Variants in MYLK observed in about 807,000 individuals in gnomAD.
MYLK encodes myosin light chain kinase, smooth muscle.
A neutral mutation model predicts 203.4 loss-of-function variants in MYLK; 106 were observed. The observed-to-expected ratio is 0.52, with a 90% CI of 0.45 to 0.61. The LOEUF (loss-of-function observed/expected upper bound fraction) is 0.61, where lower values mean the gene tolerates loss of function less well. Among genes scored for constraint, MYLK ranks in the 20% least tolerant of loss-of-function variants. The pLI is 0.00. For synonymous variants in MYLK, 867 were observed against 959.5 expected (o/e 0.90, Z 1.78); for missense variants, 2,072 against 2,442.3 (o/e 0.85, Z 3.20).
chr3:123,770,255 C>A (rs1432143618), intron 4 of MYLK, among the ~76,000 whole-genome samples: 1 of 151,974 alleles, frequency 6.6e-6, no homozygotes, highest in Non-Finnish European at 1.5e-5. Context: ...ACCTCAGAGG[C>A]AGAGGTTGCA....
chr3:123,719,124 AT>A (rs2062004437), intron 13 of MYLK, among the ~76,000 whole-genome samples: 1 of 152,226 alleles, frequency 6.6e-6, no homozygotes, highest in Non-Finnish European at 1.5e-5. Context: ...TGCACCAGCA[AT>A]CTCGATGATT....
chr3:123,714,941 T>C (rs2061840846), intron 13 of MYLK, among the ~76,000 whole-genome samples: 1 of 151,712 alleles, frequency 6.6e-6, no homozygotes, highest in Admixed American at 6.6e-5. Flanking sequence ...TAGACGAAGC[T>C]GTTAATAGGA....
At position 123,610,932 on chromosome 3, in the gene MYLK, T is replaced by G. The variant is rs2057233790; in HGVS notation, c.*3173A>C. On this transcript the variant is annotated 3_prime_UTR_variant, in exon 34 of 34. Coordinates refer to ENST00000360304, the MANE Select transcript of MYLK (RefSeq NM_053025.4). ...AAATATCTTTTAATAAGATATGCAA[T>G]GCAAGGAACAATCAATGGATTATTT... is the stretch of plus-strand genomic sequence containing the variant. The G allele has an allele frequency of 6.6e-6, 1 of 152,192 alleles. No homozygotes were observed. The highest frequency in any genetic ancestry group is 1.5e-5 in the Non-Finnish European group (1 of 68,038). The allele number at this position is 152,192 out of a possible 1,614,324, so 9.4% of individuals were successfully genotyped here. A position where few individuals can be genotyped will look rare whatever the true frequency, so the allele number is the denominator to read the frequency against.
intron 4 of MYLK, among the ~76,000 whole-genome samples, chr3:123,791,265 C>T (rs1324688032): frequency 6.6e-6 from 1 of 152,198 alleles, no homozygotes; most frequent in Non-Finnish European, 1.5e-5. Context: ...CTTATTATAA[C>T]CAGCAACTCC....
At chr3:123,661,104 C>T (rs147067399) in intron 23 of MYLK, among the ~76,000 whole-genome samples, 394 of 152,298 alleles carry the variant, frequency 2.6e-3, no homozygotes, top group Non-Finnish European at 3.5e-3. Context: ...GACAGCCACG[C>T]CAATGGCCCT....
chr3:123,694,085 A>T (rs917774817), intron 18 of MYLK, among the ~76,000 whole-genome samples: 4 of 152,234 alleles, frequency 2.6e-5, no homozygotes, highest in African/African-American at 9.6e-5. Flanking sequence ...AAGAGTAAGG[A>T]TATCAGTTCT....
At chr3:123,747,198 C>T (rs754405023) in intron 5 of MYLK, among the ~76,000 whole-genome samples, 10 of 152,182 alleles carry the variant, frequency 6.6e-5, no homozygotes, top group Non-Finnish European at 8.8e-5. Flanking sequence ...GTGTCAGTGG[C>T]ACCACCAGAG....
intron 2 of MYLK, among the ~76,000 whole-genome samples, chr3:123,832,607 C>G (rs753820314): frequency 3.3e-5 from 5 of 152,156 alleles, no homozygotes; most frequent in Non-Finnish European, 7.3e-5. Flanking sequence ...GTGATTAAGT[C>G]AAGAGGGCAG....
chr3:123,873,153 C>T (rs150613199), intron 2 of MYLK, among the ~76,000 whole-genome samples: 7 of 152,124 alleles, frequency 4.6e-5, no homozygotes, highest in African/African-American at 1.7e-4. Flanking sequence ...CTCACACTGC[C>T]CTTTGTGAAA....
At chr3:123,876,220 T>C (rs2033143051) in intron 2 of MYLK, among the ~76,000 whole-genome samples, 1 of 152,020 alleles carries the variant, frequency 6.6e-6, no homozygotes, top group Non-Finnish European at 1.5e-5. Flanking sequence ...TATGACTAAG[T>C]GTTTATTCCA....
At chr3:123,668,670 C>G (rs751580740) in intron 20 of MYLK, among the ~76,000 whole-genome samples, 2 of 152,112 alleles carry the variant, frequency 1.3e-5, no homozygotes, top group Non-Finnish European at 2.9e-5. Context: ...TATACCTTAA[C>G]ATAAAAAATG....
At chr3:123,733,650 A>G (rs1414346027) in intron 10 of MYLK, 37 bp downstream of exon 10, 10 of 1,611,742 alleles carry the variant, frequency 6.2e-6, no homozygotes, top group Non-Finnish European at 7.6e-6. Flanking sequence ...AAGGGGCTAC[A>G]TTTTGGCAAT....
At chr3:123,748,982 T>C (rs998335177) in intron 5 of MYLK, among the ~76,000 whole-genome samples, 4 of 152,044 alleles carry the variant, frequency 2.6e-5, no homozygotes, top group Non-Finnish European at 5.9e-5. Flanking sequence ...GGCAGAAGAA[T>C]TGTTTGAACC....
At position 123,611,373 on chromosome 3, in the gene MYLK, G is replaced by T. The variant is rs942369551; in HGVS notation, c.*2732C>A. On this transcript the variant is annotated 3_prime_UTR_variant, in exon 34 of 34. Transcript: ENST00000360304. ...ATATGAAGGTATGGATAAAGCATTT[G>T]GCTGCCAATAATGAACTGCACCAAA... 2.0e-5 allele frequency: 3 copies of T among 152,218 alleles called. No homozygotes were observed. Among genetic ancestry groups the T allele is most frequent in the Middle Eastern group, 3.4e-3 (1 of 294 alleles). 9.4% of individuals were successfully genotyped at this position (152,218 alleles called of 1,614,324 possible). A position where few individuals can be genotyped will look rare whatever the true frequency, so the allele number is the denominator to read the frequency against.
At chr3:123,852,259 A>G (rs1250511935) in intron 2 of MYLK, among the ~76,000 whole-genome samples, 1 of 152,198 alleles carries the variant, frequency 6.6e-6, no homozygotes, top group Non-Finnish European at 1.5e-5. Flanking sequence ...CTGGCCTCAT[A>G]AAATGAGTTA....
intron 13 of MYLK, among the ~76,000 whole-genome samples, chr3:123,710,777 T>G (rs2061662259): frequency 1.3e-5 from 2 of 152,182 alleles, no homozygotes; most frequent in South Asian, 4.1e-4. Context: ...TACACAAACA[T>G]TCAGAGCAGC....
intron 2 of MYLK, among the ~76,000 whole-genome samples, chr3:123,867,932 A>G (rs1443235319): frequency 6.6e-6 from 1 of 152,194 alleles, no homozygotes; most frequent in African/African-American, 2.4e-5. Context: ...ACAGAGCCCT[A>G]CAGAAAGTGA....
At chr3:123,824,775 A>G (rs1300797056) in intron 3 of MYLK, among the ~76,000 whole-genome samples, 1 of 152,234 alleles carries the variant, frequency 6.6e-6, no homozygotes, top group East Asian at 1.9e-4. Context: ...GCATATGTAA[A>G]TATAATTTGA....
chr3:123,731,822 C>T (rs1444569046), intron 11 of MYLK, among the ~76,000 whole-genome samples: 1 of 150,986 alleles, frequency 6.6e-6, no homozygotes, highest in African/African-American at 2.4e-5. Flanking sequence ...CATCTTAAAA[C>T]ACCACGAATT....
Sources: allele counts gnomAD v4.1 joint callset (sites outside exome capture counted in the v4.1 genomes callset), GRCh38; gene constraint gnomAD v4.1.1; transcripts MANE v1.5; gene names NCBI Gene and HGNC (gene_info 2026-07-23, HGNC 2026-07-21).